Variants in LRP8 observed in about 807,000 individuals in gnomAD.
The protein encoded by LRP8 is low-density lipoprotein receptor-related protein 8.
Under a neutral mutation model 111.6 loss-of-function variants are expected in LRP8, and 46 were observed. The observed-to-expected ratio is 0.41, with a 90% CI of 0.33 to 0.53. LRP8 has a LOEUF of 0.53. Among genes scored for constraint, LRP8 ranks in the 20% least tolerant of loss-of-function variants. LRP8 has a pLI of 0.20. For missense variants in LRP8, 959 were observed against 1,297.4 expected (o/e 0.74, Z 4.01); for synonymous variants, 464 against 511.2 (o/e 0.91, Z 1.24).
chr1:53,297,406 C>A (rs549793935), intron 2 of LRP8, among the ~76,000 whole-genome samples: 1 of 152,318 alleles, frequency 6.6e-6, no homozygotes, highest in East Asian at 1.9e-4. Context: ...CGAACGGTTC[C>A]CACAGTGTCC....
intron 8 of LRP8, chr1:53,267,535 G>A (rs1646617408): frequency 6.6e-6 from 1 of 152,184 alleles, no homozygotes; most frequent in Non-Finnish European, 1.5e-5. Flanking sequence ...GAGCTTCAGA[G>A]ATTGGCAGGG....
chr1:53,254,424 G>A (rs1048147815), intron 16 of LRP8, among the ~76,000 whole-genome samples: 1 of 151,750 alleles, frequency 6.6e-6, no homozygotes, highest in Non-Finnish European at 1.5e-5. Flanking sequence ...TATCACTTCT[G>A]TTAGGAAACC....
intron 5 of LRP8, 37 bp downstream of exon 5, chr1:53,276,644 CGGATCCGCAAT>C (rs1557787106): frequency 7.1e-7 from 1 of 1,413,340 alleles, no homozygotes; most frequent in Admixed American, 2.3e-5. Flanking sequence ...GATCGGATAG[CGGATCCGCAAT>C]CCCTGGGCGG....
intron 2 of LRP8, among the ~76,000 whole-genome samples, chr1:53,323,521 G>T (rs1654772109): frequency 1.3e-5 from 2 of 152,266 alleles, no homozygotes; most frequent in African/African-American, 4.8e-5. Flanking sequence ...CGTGACCCAG[G>T]CCCACAGCCA....
intron 2 of LRP8, among the ~76,000 whole-genome samples, chr1:53,314,558 A>G (rs1653547932): frequency 6.6e-6 from 1 of 152,216 alleles, no homozygotes; most frequent in African/African-American, 2.4e-5. Flanking sequence ...GGCCCCATTA[A>G]CAGAGCTGGG....
At chr1:53,297,237 G>A (rs1649903790) in intron 2 of LRP8, among the ~76,000 whole-genome samples, 1 of 152,200 alleles carries the variant, frequency 6.6e-6, no homozygotes, top group African/African-American at 2.4e-5. Context: ...CTAAGCCCCT[G>A]TGACAAGACT....
intron 2 of LRP8, among the ~76,000 whole-genome samples, chr1:53,310,200 C>T (rs373645163): frequency 1.4e-3 from 163 of 119,956 alleles, no homozygotes; most frequent in African/African-American, 5.2e-3. Context: ...AGGGAAGAGA[C>T]GGGCTGGGGC....
chr1:53,261,990 G>A, intron 12 of LRP8, 78 bp downstream of exon 12: 1 of 1,519,842 alleles, frequency 6.6e-7, no homozygotes, highest in Admixed American at 1.9e-5. Flanking sequence ...ACAAGTCTCA[G>A]GGACTCATCC....
In LRP8 at chr1:53,262,911, GAA is replaced by G. The variant is rs1646399205; in HGVS notation, c.1656-349_1656-348del. The stretch of plus-strand genomic sequence containing the variant: ...CCCTCTCTTTTCTGGTTTCAGAGGA[GAA>G]AGTGGATGAGCTTCCTAACTCAGGT... On this transcript the variant is annotated intron_variant, in intron 10 of 18. Transcript: ENST00000306052. The surrounding 1 kb of genome is among the most constrained non-coding windows in gnomAD (Gnocchi z 4.8). Among the ~76,000 whole-genome samples, 1 of 152,216 alleles carries G rather than the reference GAA, an allele frequency of 6.6e-6. No individual in the cohort carries two copies. The highest frequency in any genetic ancestry group is 2.4e-5 in the African/African-American group (1 of 41,444).
chr1:53,324,039 A>C (rs72895400), intron 2 of LRP8, among the ~76,000 whole-genome samples: 7,109 of 151,800 alleles, frequency 0.047, 418 homozygotes, highest in African/African-American at 0.14. Context: ...ACAAATTCCA[A>C]CCCCCATTTT....
intron 15 of LRP8, among the ~76,000 whole-genome samples, chr1:53,255,773 T>C (rs1166074108): frequency 3.9e-5 from 6 of 152,194 alleles, no homozygotes; most frequent in Non-Finnish European, 7.3e-5. Context: ...CTTGGGCAAA[T>C]TATTATATAT....
At chr1:53,295,998 T>TA (rs1022920221) in intron 2 of LRP8, among the ~76,000 whole-genome samples, 12 of 151,910 alleles carry the variant, frequency 7.9e-5, no homozygotes, top group African/African-American at 2.9e-4. Context: ...CACTAGGCCA[T>TA]AAAAAATAGA....
Position 53,276,699 on chromosome 1 carries a change from G to A in LRP8, c.876C>T (p.Ala292=). 4 of 1,539,344 alleles carry A rather than the reference G, an allele frequency of 2.6e-6. No individual in the cohort carries two copies. Among genetic ancestry groups the A allele is most frequent in the East Asian group, 2.5e-5 (1 of 39,688 alleles). The change falls in exon 5 of 19, where the codon GCC becomes GCT. Residue 292 remains alanine, a synonymous_variant. Coordinates refer to ENST00000306052, the MANE Select transcript of LRP8 (RefSeq NM_004631.5). ...DRDCKDKSDE[A]DCPLGTCRGD... is the part of the protein sequence containing the mutation. ...GGTATGGAGGGGGCTTACGGCAGTCGGCCTCGTCCGATTTGTCTTTGCAGT... is the reference window on the plus strand; with the variant it reads ...GGTATGGAGGGGGCTTACGGCAGTCAGCCTCGTCCGATTTGTCTTTGCAGT...
intron 18 of LRP8, among the ~76,000 whole-genome samples, chr1:53,248,887 C>T (rs1252576653): frequency 6.6e-6 from 1 of 152,188 alleles, no homozygotes; most frequent in East Asian, 1.9e-4. Context: ...TTTATAAACT[C>T]AGGAGGCAGG....
chr1:53,325,297 G>A (rs1010840535), intron 2 of LRP8, among the ~76,000 whole-genome samples: 1 of 152,228 alleles, frequency 6.6e-6, no homozygotes, highest in African/African-American at 2.4e-5. Flanking sequence ...TAACTTCACA[G>A]TTCAGTGCCT....
chr1:53,276,648 T>C, intron 5 of LRP8, 44 bp downstream of exon 5: 2 of 1,432,532 alleles, frequency 1.4e-6, no homozygotes, highest in Non-Finnish European at 9.2e-7. Flanking sequence ...GGATAGCGGA[T>C]CCGCAATCCC....
intron 13 of LRP8, 127 bp from the exon 14 acceptor site, chr1:53,258,598 T>G: frequency 1.2e-6 from 1 of 817,264 alleles, no homozygotes; most frequent in Non-Finnish European, 1.9e-6. Flanking sequence ...TTTTCACATT[T>G]TTTTTCTTTT....
intron 16 of LRP8, among the ~76,000 whole-genome samples, chr1:53,251,711 G>C (rs1027542045): frequency 6.6e-6 from 1 of 151,712 alleles, no homozygotes; most frequent in Non-Finnish European, 1.5e-5. Flanking sequence ...TAGAGATCTA[G>C]CTATGCAGTA....
chr1:53,248,566 AT>A (rs1240727558), intron 18 of LRP8, among the ~76,000 whole-genome samples: 1 of 152,248 alleles, frequency 6.6e-6, no homozygotes, highest in Non-Finnish European at 1.5e-5. Context: ...AAGTTATTCA[AT>A]TTCTATGAGT....
Sources: allele counts gnomAD v4.1 joint callset (sites outside exome capture counted in the v4.1 genomes callset), GRCh38; gene constraint gnomAD v4.1.1; non-coding constraint Gnocchi (gnomAD v3.1); transcripts MANE v1.5; gene names NCBI Gene and HGNC (gene_info 2026-07-23, HGNC 2026-07-21).